The following ARMH3 variants were observed in gnomAD, a reference collection of about 807,000 sequenced individuals.
ARMH3 encodes armadillo like helical domain containing 3.
In ARMH3, 60 loss-of-function variants were observed where a neutral mutation model predicts 99.1. That is an observed-to-expected ratio of 0.61 (90% CI 0.49 to 0.75). The LOEUF is 0.75. Ranked by LOEUF, ARMH3 falls within the 30% of genes least tolerant of loss-of-function variation. ARMH3 has a pLI of 0.00. For missense variants in ARMH3, 679 were observed against 843.1 expected (o/e 0.81, Z 2.41); for synonymous variants, 285 against 292.8 (o/e 0.97, Z 0.27).
chr10:101,920,913 G>C (rs1004843789), intron 23 of ARMH3, among the ~76,000 whole-genome samples: 3 of 152,134 alleles, frequency 2.0e-5, no homozygotes, highest in African/African-American at 7.2e-5. Flanking sequence ...AATACACTAT[G>C]ATTCCACTAT....
intron 20 of ARMH3, among the ~76,000 whole-genome samples, chr10:101,968,103 GCA>G (rs1445477683): frequency 7.9e-5 from 12 of 151,524 alleles, no homozygotes; most frequent in African/African-American, 2.9e-4. Flanking sequence ...TGCAGACAAT[GCA>G]AACCTCACAA....
At chr10:101,971,253 C>T (rs1433189778) in intron 20 of ARMH3, among the ~76,000 whole-genome samples, 1 of 151,970 alleles carries the variant, frequency 6.6e-6, no homozygotes, top group East Asian at 1.9e-4. Context: ...ACCTAAAGTT[C>T]CCAGTAGGAG....
intron 24 of ARMH3, among the ~76,000 whole-genome samples, chr10:101,866,494 AAAAAG>A (rs1329946637): frequency 2.6e-5 from 4 of 151,774 alleles, no homozygotes; most frequent in African/African-American, 7.2e-5. Flanking sequence ...AAAAAAAAAA[AAAAAG>A]AAAAGAAAAG....
Position 102,033,105 on chromosome 10 carries a change from T to A in ARMH3, c.227A>T (p.Asp76Val). The change falls in exon 4 of 26, where the codon GAC (aspartate) becomes GTC (valine). Residue 76 changes from aspartate to valine, a missense_variant. Asp to Val is a radical substitution (Grantham distance 152). This residue lies in a region of ARMH3 where 280 missense variants were observed against 354.6 expected (regional missense o/e 0.79). Coordinates refer to ENST00000370033, the MANE Select transcript of ARMH3 (RefSeq NM_024541.3). ...LDGEELMKIK[D>V]NINCLFQHCI... ...GTGTTGGAATAAGCAATTAATATTGTCCTTGATCTTCATTAACTCCTCACC... is the reference window on the plus strand; with the variant it reads ...GTGTTGGAATAAGCAATTAATATTGACCTTGATCTTCATTAACTCCTCACC... 6.2e-7 allele frequency: 1 copy of A among 1,614,192 alleles called. No homozygotes were observed.
At chr10:101,942,480 G>A (rs1844285652) in intron 22 of ARMH3, among the ~76,000 whole-genome samples, 1 of 152,162 alleles carries the variant, frequency 6.6e-6, no homozygotes, top group Admixed American at 6.5e-5. Flanking sequence ...TGTCATTTAT[G>A]GTTCTGGGTA....
intron 20 of ARMH3, among the ~76,000 whole-genome samples, chr10:101,963,317 T>A (rs1845388192): frequency 6.6e-6 from 1 of 151,972 alleles, no homozygotes; most frequent in East Asian, 1.9e-4. Flanking sequence ...TAATTTTTTG[T>A]ATTTTTTATT....
intron 23 of ARMH3, among the ~76,000 whole-genome samples, chr10:101,907,530 C>T (rs974808212): frequency 6.6e-6 from 1 of 151,950 alleles, no homozygotes; most frequent in Admixed American, 6.6e-5. Flanking sequence ...TACAGGCATG[C>T]GCCACCACAC....
intron 23 of ARMH3, among the ~76,000 whole-genome samples, chr10:101,915,918 C>G (rs1843066274): frequency 6.6e-6 from 1 of 151,944 alleles, no homozygotes; most frequent in East Asian, 1.9e-4. Context: ...ATTCTCCTGC[C>G]TCAGCCTCCG....
intron 8 of ARMH3, 145 bp downstream of exon 8, chr10:102,023,332 A>T: frequency 2.7e-6 from 2 of 730,264 alleles, no homozygotes; most frequent in Non-Finnish European, 4.4e-6. Flanking sequence ...CATTTAATAT[A>T]GGATTTTTAG....
intron 2 of ARMH3, among the ~76,000 whole-genome samples, chr10:102,036,543 G>T (rs1192341632): frequency 6.6e-6 from 1 of 152,184 alleles, no homozygotes; most frequent in South Asian, 2.1e-4. Flanking sequence ...GGGTTCTTCT[G>T]CCTTGGGATG....
In ARMH3 at chr10:101,979,426, T is replaced by C. The variant is rs995767031; in HGVS notation, c.1407-4126A>G. On this transcript the variant is annotated intron_variant, in intron 19 of 25. Coordinates refer to ENST00000370033, the MANE Select transcript of ARMH3 (RefSeq NM_024541.3). Reference sequence around the variant, plus strand: ...AAAATGTCCAGAATAGGCAAATACATAGAGACAAAAAGTAGATTTTTTAAT... The same window carrying C: ...AAAATGTCCAGAATAGGCAAATACACAGAGACAAAAAGTAGATTTTTTAAT... Among the ~76,000 whole-genome samples, 3 of 152,228 alleles carry C rather than the reference T, an allele frequency of 2.0e-5. No homozygotes were observed. The South Asian group carries it at 6.2e-4, about 32-fold the overall frequency.
chr10:102,054,249 C>T (rs2067781816), intron 1 of ARMH3, among the ~76,000 whole-genome samples: 1 of 151,926 alleles, frequency 6.6e-6, no homozygotes, highest in Non-Finnish European at 1.5e-5. Flanking sequence ...ATTAGCCAGG[C>T]ATGGTGGTGC....
intron 23 of ARMH3, among the ~76,000 whole-genome samples, chr10:101,925,172 CAAT>C (rs1453487364): frequency 6.6e-6 from 1 of 152,172 alleles, no homozygotes; most frequent in Admixed American, 6.5e-5. Flanking sequence ...TATGAACCAA[CAAT>C]GTGATTCAGC....
chr10:102,034,065 C>CA (rs2136214157), intron 2 of ARMH3, among the ~76,000 whole-genome samples: 1 of 152,284 alleles, frequency 6.6e-6, no homozygotes, highest in East Asian at 1.9e-4. Flanking sequence ...AAAGAGAGTA[C>CA]ACAAGTTAAG....
chr10:101,906,674 G>GA (rs1348571126), intron 23 of ARMH3, among the ~76,000 whole-genome samples: 3 of 152,146 alleles, frequency 2.0e-5, no homozygotes, highest in African/African-American at 7.2e-5. Context: ...AATTGGGAAG[G>GA]TAAACATAGG....
chr10:101,956,787 T>C (rs2135809188), intron 21 of ARMH3, 64 bp from the exon 22 acceptor site: 2 of 1,558,702 alleles, frequency 1.3e-6, no homozygotes, highest in Non-Finnish European at 1.7e-6. Context: ...TTATCAGTGG[T>C]ATGCTGTAGC....
At chr10:101,881,043 A>T (rs1199522121) in intron 24 of ARMH3, among the ~76,000 whole-genome samples, 3 of 152,228 alleles carry the variant, frequency 2.0e-5, no homozygotes, top group Non-Finnish European at 4.4e-5. Flanking sequence ...ACCTTCACTC[A>T]TTCAGATATA....
At chr10:101,854,591 G>A (rs1427215304) in intron 24 of ARMH3, among the ~76,000 whole-genome samples, 1 of 152,114 alleles carries the variant, frequency 6.6e-6, no homozygotes, top group Non-Finnish European at 1.5e-5. Context: ...CAACTTAGGC[G>A]AGGGGAAAAC....
intron 23 of ARMH3, among the ~76,000 whole-genome samples, chr10:101,925,611 A>C (rs1843477931): frequency 6.6e-6 from 1 of 152,208 alleles, no homozygotes; most frequent in Admixed American, 6.5e-5. Flanking sequence ...GATACTCATC[A>C]TTTAAAAGAA....
Sources: allele counts gnomAD v4.1 joint callset (sites outside exome capture counted in the v4.1 genomes callset), GRCh38; gene constraint gnomAD v4.1.1; regional missense constraint gnomAD v4.1.1; transcripts MANE v1.5; gene names NCBI Gene and HGNC (gene_info 2026-07-23, HGNC 2026-07-21).